SP100: variants seen among roughly 807,000 people sequenced by gnomAD.
SP100 encodes SP100 nuclear body protein.
Under a neutral mutation model 130.0 loss-of-function variants are expected in SP100, and 84 were observed. The ratio of observed to expected loss-of-function variants is 0.65; its 90% confidence interval spans 0.54 to 0.77. SP100 has a LOEUF of 0.77. Ranked by LOEUF, SP100 falls within the 30% of genes least tolerant of loss-of-function variation. SP100 has a pLI of 0.00. For synonymous variants in SP100, 331 were observed against 351.7 expected (o/e 0.94, Z 0.66); for missense variants, 978 against 1,052.2 (o/e 0.93, Z 0.97).
At chr2:230,460,324 G>A (rs1358588639) in intron 8 of SP100, among the ~76,000 whole-genome samples, 2 of 152,080 alleles carry the variant, frequency 1.3e-5, no homozygotes, top group Non-Finnish European at 2.9e-5. Context: ...AACGAATACA[G>A]ATGACTTTCA....
Position 230,466,309 on chromosome 2 carries a change from G to A in SP100, c.1150G>A (p.Asp384Asn), listed in dbSNP as rs2064955854. Residue 384 changes from aspartate to asparagine, a missense_variant, in exon 12 of 29, where the codon GAT (aspartate) becomes AAT (asparagine). Coordinates refer to ENST00000340126, the MANE Select transcript of SP100 (RefSeq NM_001080391.2). Reference protein sequence around the residue: ...SRPQIVPEPMDFRKLSTFRES... With the variant: ...SRPQIVPEPMNFRKLSTFRES... ...TCCCTTTTACTTTACAGAGCCCATG[G>A]ATTTCAGAAAATTATCTACATTCAG... The A allele has an allele frequency of 6.3e-7, 1 of 1,580,114 alleles. No homozygotes were observed. The highest frequency in any genetic ancestry group is 8.7e-7 in the Non-Finnish European group (1 of 1,150,448).
At chr2:230,534,718 T>C (rs886953809) in intron 24 of SP100, among the ~76,000 whole-genome samples, 36 of 152,362 alleles carry the variant, frequency 2.4e-4, no homozygotes, top group African/African-American at 7.2e-4. Flanking sequence ...TTAATATGTG[T>C]TCCAGGATTG....
intron 2 of SP100, among the ~76,000 whole-genome samples, chr2:230,433,080 C>G (rs1163812435): frequency 3.3e-5 from 5 of 152,156 alleles, no homozygotes; most frequent in Non-Finnish European, 7.4e-5. Flanking sequence ...CTAAACTAAG[C>G]ACAGAGTCTT....
At chr2:230,502,033 T>A (rs1039916300) in intron 19 of SP100, among the ~76,000 whole-genome samples, 3 of 106,066 alleles carry the variant, frequency 2.8e-5, no homozygotes, top group Non-Finnish European at 2.0e-5. Context: ...CACACCCAGC[T>A]TTTTTTTTTT....
Position 230,540,857 on chromosome 2 carries a change from T to C in SP100, c.2211-19T>C, listed in dbSNP as rs4973329. ...ATTCACAGAACCTGCCATTGCTCAC[T>C]TTATGCCCCATCTCTCAGGAACCCG... On this transcript the variant is annotated intron_variant, in intron 25 of 28. Coordinates refer to ENST00000340126, the MANE Select transcript of SP100 (RefSeq NM_001080391.2). 1.9e-6 allele frequency: 3 copies of C among 1,604,988 alleles called. No homozygotes were observed. The highest frequency in any genetic ancestry group is 2.6e-6 in the Non-Finnish European group (3 of 1,174,018).
chr2:230,542,788 T>C, intron 28 of SP100, 48 bp from the exon 29 acceptor site: 1 of 1,121,856 alleles, frequency 8.9e-7, no homozygotes. Context: ...ACTGGGTGTC[T>C]CAGCTCATTG....
rs1201027244 is a variant in SP100 at position 230,504,119 on chromosome 2, CAGGT to C, written c.1766-66_1766-63del. On this transcript the variant is annotated intron_variant, in intron 20 of 28. Transcript: ENST00000340126. The stretch of plus-strand genomic sequence containing the variant: ...GAATTATAAAAGAAAGCTCTCAAGA[CAGGT>C]GGGGAGGGACAATGCACAGTTGTAA... The C allele has an allele frequency of 1.0e-5, 8 of 790,260 alleles. No homozygotes were observed. The African/African-American group carries it at 1.2e-4, about 12-fold the overall frequency. 49.0% of individuals were successfully genotyped at this position (790,260 alleles called of 1,614,324 possible).
intron 13 of SP100, among the ~76,000 whole-genome samples, chr2:230,468,063 C>T (rs1217420499): frequency 6.6e-6 from 1 of 152,158 alleles, no homozygotes; most frequent in Non-Finnish European, 1.5e-5. Flanking sequence ...ATAAGATCTA[C>T]TTGCATCTTT....
intron 17 of SP100, among the ~76,000 whole-genome samples, chr2:230,482,747 G>A (rs868236944): frequency 1.3e-5 from 2 of 151,700 alleles, no homozygotes; most frequent in African/African-American, 2.4e-5. Flanking sequence ...CTGATCCATT[G>A]CCCTATCTAT....
Position 230,472,406 on chromosome 2 carries a change from C to T in SP100, c.1430-918C>T, listed in dbSNP as rs147947330. Among the ~76,000 whole-genome samples, 21 of 119,458 alleles carry T rather than the reference C, an allele frequency of 1.8e-4. No individual in the cohort carries two copies. In the East Asian group the frequency reaches 4.8e-3, roughly 27 times the overall value. 78.4% of individuals were successfully genotyped at this position (119,458 alleles called of 152,430 possible). A position where few individuals can be genotyped will look rare whatever the true frequency, so the allele number is the denominator to read the frequency against. On this transcript the variant is annotated intron_variant, in intron 15 of 28. Transcript: ENST00000340126. ...TCGCACCACTGCACTCCAGCCTGGG[C>T]GATCGAGCAAGACTCCGTCTCAAAA...
At chr2:230,419,594 G>A (rs939079975) in intron 2 of SP100, among the ~76,000 whole-genome samples, 1 of 152,214 alleles carries the variant, frequency 6.6e-6, no homozygotes, top group Admixed American at 6.5e-5. Flanking sequence ...ATAATATGCT[G>A]AGGTTGTTAA....
chr2:230,436,176 T>A (rs1325868395), intron 2 of SP100, among the ~76,000 whole-genome samples: 2 of 152,230 alleles, frequency 1.3e-5, no homozygotes, highest in East Asian at 3.8e-4. Flanking sequence ...TTTATAGTTT[T>A]CTTCATACAA....
chr2:230,448,600 C>A (rs1162233781), intron 5 of SP100, among the ~76,000 whole-genome samples: 8 of 151,928 alleles, frequency 5.3e-5, no homozygotes, highest in Admixed American at 5.2e-4. Context: ...ACAAAAAGAT[C>A]CAGAAAAAAA....
In SP100 at chr2:230,473,373, T is replaced by A; in HGVS notation, c.1479T>A (p.Cys493Ter). Residue 493 changes from cysteine to a stop codon, truncating the protein, a stop_gained, in exon 16 of 29, where the codon TGT becomes TGA. Coordinates refer to ENST00000340126, the MANE Select transcript of SP100 (RefSeq NM_001080391.2). LOFTEE classifies it high-confidence loss of function. ...ATAAGAAGTGCTCCTGTGTCATGTG[T>A]TTTCCAAAAGGTGTGCCAAGAAGCC... Reference protein sequence around the residue: ...PENKKCSCVMCFPKGVPRSQE... With the variant: ...PENKKCSCVM 6.2e-7 allele frequency: 1 copy of A among 1,613,936 alleles called. No individual in the cohort carries two copies. Among genetic ancestry groups the A allele is most frequent in the South Asian group, 1.1e-5 (1 of 91,066 alleles).
intron 10 of SP100, 177 bp from the exon 11 acceptor site, chr2:230,463,890 G>T (rs1372172948): frequency 2.0e-6 from 1 of 490,324 alleles, no homozygotes; most frequent in Non-Finnish European, 3.7e-6. Context: ...CAAGAATGGA[G>T]TATCACTAAC....
At chr2:230,427,795 A>G (rs1000473963) in intron 2 of SP100, among the ~76,000 whole-genome samples, 4 of 152,194 alleles carry the variant, frequency 2.6e-5, no homozygotes, top group African/African-American at 7.2e-5. Context: ...TTAAGCCAAC[A>G]ACTTCAAACA....
At chr2:230,433,958 T>C (rs1333349629) in intron 2 of SP100, among the ~76,000 whole-genome samples, 1 of 150,040 alleles carries the variant, frequency 6.7e-6, no homozygotes, top group Admixed American at 6.6e-5. Context: ...CAAAATCTTG[T>C]TCTGTTTACT....
intron 18 of SP100, among the ~76,000 whole-genome samples, chr2:230,497,544 G>C (rs143056205): frequency 5.2e-5 from 1 of 19,294 alleles, no homozygotes; most frequent in African/African-American, 1.9e-4. Context: ...GAGGAGAGGA[G>C]AGGAAAGGAA....
intron 2 of SP100, among the ~76,000 whole-genome samples, chr2:230,431,315 T>G (rs989789438): frequency 6.6e-6 from 1 of 152,234 alleles, no homozygotes; most frequent in Admixed American, 6.5e-5. Context: ...CCAGGGAAGC[T>G]GGGTGTCCTC....
Sources: allele counts gnomAD v4.1 joint callset (sites outside exome capture counted in the v4.1 genomes callset), GRCh38; gene constraint gnomAD v4.1.1; transcripts MANE v1.5; gene names NCBI Gene and HGNC (gene_info 2026-07-23, HGNC 2026-07-21).